Variants in PPP3CC observed in about 807,000 individuals in gnomAD.
PPP3CC encodes the protein serine/threonine-protein phosphatase 2B catalytic subunit gamma isoform.
In PPP3CC, 35 loss-of-function variants were observed where a neutral mutation model predicts 60.3. The observed-to-expected ratio is 0.58, with a 90% CI of 0.44 to 0.77. PPP3CC has a LOEUF of 0.77. PPP3CC is among the 30% of genes least tolerant of loss of function. PPP3CC has a pLI of 0.00. For synonymous variants in PPP3CC, 206 were observed against 224.3 expected, an observed-to-expected ratio of 0.92 and a Z score of 0.73; for missense variants, 570 against 628.9, an observed-to-expected ratio of 0.91 and a Z score of 1.00.
chr8:22,502,503 A>G (rs1032688023), intron 4 of PPP3CC, among the ~76,000 whole-genome samples: 17 of 152,126 alleles, frequency 1.1e-4, no homozygotes, highest in African/African-American at 4.1e-4. Flanking sequence ...TGGGCAACAC[A>G]GTAGTAAGAC....
At chr8:22,462,343 G>A (rs1041409022) in intron 1 of PPP3CC, among the ~76,000 whole-genome samples, 4 of 152,172 alleles carry the variant, frequency 2.6e-5, no homozygotes, top group African/African-American at 9.7e-5. Context: ...AGTACTAAGT[G>A]CTTTTCTGTG....
At chr8:22,531,193 C>G (rs1022598904) in intron 10 of PPP3CC, 35 of 1,018,898 alleles carry the variant, frequency 3.4e-5, no homozygotes, top group Middle Eastern at 2.0e-4. Flanking sequence ...CTGTTTCTCT[C>G]ATTGCATTTC....
chr8:22,475,388 G>A, intron 2 of PPP3CC, 112 bp from the exon 3 acceptor site: 1 of 1,274,296 alleles, frequency 7.8e-7, no homozygotes, highest in Admixed American at 2.3e-5. Context: ...CAGCAGTCCT[G>A]TCAAAAGCTG....
chr8:22,540,162 A>G (rs1302577286), intron 13 of PPP3CC, among the ~76,000 whole-genome samples: 1 of 152,166 alleles, frequency 6.6e-6, no homozygotes, highest in Non-Finnish European at 1.5e-5. Flanking sequence ...AAACGAAAAG[A>G]TTAGCTCTTT....
intron 1 of PPP3CC, among the ~76,000 whole-genome samples, chr8:22,467,617 G>A (rs1310289525): frequency 6.6e-6 from 1 of 152,020 alleles, no homozygotes; most frequent in Non-Finnish European, 1.5e-5. Flanking sequence ...TTTTAGTAGA[G>A]ATAGGGTTTC....
intron 8 of PPP3CC, among the ~76,000 whole-genome samples, chr8:22,525,523 T>C (rs1563780297): frequency 1.9e-5 from 2 of 104,832 alleles, no homozygotes; most frequent in South Asian, 3.4e-4. Flanking sequence ...TCTTTCTTTC[T>C]TTCTTTCTTT....
chr8:22,461,644 A>G (rs1837364876), intron 1 of PPP3CC, among the ~76,000 whole-genome samples: 1 of 152,150 alleles, frequency 6.6e-6, no homozygotes, highest in Non-Finnish European at 1.5e-5. Context: ...GTAGTCAAAA[A>G]TAAGTTACAC....
chr8:22,476,747 A>G (rs369664017), intron 3 of PPP3CC, among the ~76,000 whole-genome samples: 11 of 152,134 alleles, frequency 7.2e-5, no homozygotes, highest in East Asian at 3.9e-4. Flanking sequence ...CCTTGGTAAC[A>G]TGGTGAAACG....
intron 3 of PPP3CC, among the ~76,000 whole-genome samples, chr8:22,487,970 A>T (rs1256027151): frequency 9.9e-5 from 15 of 152,198 alleles, no homozygotes; most frequent in Admixed American, 9.8e-4. Flanking sequence ...ATACAAGACA[A>T]TTGTACAGTT....
Position 22,510,209 on chromosome 8 carries a change from C to CA in PPP3CC, c.485-876dup, listed in dbSNP as rs575690185. 3.1e-3 allele frequency among the ~76,000 whole-genome samples: 465 copies of CA among 148,844 alleles called. 3 individuals carry two copies. Among genetic ancestry groups the CA allele is most frequent in the African/African-American group, 0.011 (441 of 40,582 alleles). On this transcript the variant is annotated intron_variant, in intron 4 of 13. Coordinates refer to ENST00000240139, the MANE Select transcript of PPP3CC (RefSeq NM_005605.5). ...AAAAAAAAAAAAAAAAAAGAGGCCT[C>CA]ACTGTGTTGCCCAGGCTGGTCTCAA... is the stretch of plus-strand genomic sequence containing the variant.
At chr8:22,490,827 C>G (rs1024748721) in intron 3 of PPP3CC, among the ~76,000 whole-genome samples, 1 of 152,028 alleles carries the variant, frequency 6.6e-6, no homozygotes, top group South Asian at 2.1e-4. Flanking sequence ...TGTATATGTG[C>G]CACATTTTCT....
chr8:22,529,450 A>G (rs1586869108), intron 10 of PPP3CC, among the ~76,000 whole-genome samples: 1 of 152,040 alleles, frequency 6.6e-6, no homozygotes, highest in Non-Finnish European at 1.5e-5. Context: ...TTTGTTGGCA[A>G]TGTTTATCTC....
intron 1 of PPP3CC, among the ~76,000 whole-genome samples, chr8:22,443,810 T>C (rs984878634): frequency 1.3e-5 from 2 of 152,160 alleles, no homozygotes; most frequent in African/African-American, 2.4e-5. Flanking sequence ...TTCCAGAGTT[T>C]GAAATAGTTG....
At chr8:22,484,987 T>C (rs1264063238) in intron 3 of PPP3CC, among the ~76,000 whole-genome samples, 1 of 152,194 alleles carries the variant, frequency 6.6e-6, no homozygotes, top group Non-Finnish European at 1.5e-5. Context: ...TCCTTTTTTT[T>C]AGCCTCAAAA....
intron 3 of PPP3CC, among the ~76,000 whole-genome samples, chr8:22,477,374 G>T (rs1837921782): frequency 6.6e-6 from 1 of 152,002 alleles, no homozygotes; most frequent in South Asian, 2.1e-4. Flanking sequence ...CTACTTGAGA[G>T]GCTGAGGCAG....
intron 5 of PPP3CC, among the ~76,000 whole-genome samples, 188 bp from the exon 6 acceptor site, chr8:22,513,105 A>G (rs1422907640): frequency 2.0e-5 from 3 of 152,176 alleles, no homozygotes; most frequent in Non-Finnish European, 4.4e-5. Context: ...TTTCAGAAAA[A>G]TAATAAAAAT....
chr8:22,484,799 G>T (rs1365297845), intron 3 of PPP3CC, among the ~76,000 whole-genome samples: 1 of 152,164 alleles, frequency 6.6e-6, no homozygotes, highest in East Asian at 1.9e-4. Context: ...TTTAATATCT[G>T]CTGGTTTTAA....
At chr8:22,528,373 A>G (rs1477210130) in intron 9 of PPP3CC, 133 bp from the exon 10 acceptor site, 2 of 462,744 alleles carry the variant, frequency 4.3e-6, no homozygotes, top group East Asian at 3.5e-5. Context: ...TTTTATAGCT[A>G]TTCTTACTAA....
intron 4 of PPP3CC, among the ~76,000 whole-genome samples, chr8:22,502,214 G>A (rs972999826): frequency 2.0e-5 from 3 of 151,990 alleles, no homozygotes; most frequent in South Asian, 2.1e-4. Context: ...TTTAGAATTC[G>A]TCTACCACAC....
Sources: allele counts gnomAD v4.1 joint callset (sites outside exome capture counted in the v4.1 genomes callset), GRCh38; gene constraint gnomAD v4.1.1; transcripts MANE v1.5; gene names NCBI Gene and HGNC (gene_info 2026-07-23, HGNC 2026-07-21).